CSMD1: variants seen among roughly 807,000 people sequenced by gnomAD.
CSMD1 encodes the protein CUB and Sushi multiple domains 1.
A neutral mutation model predicts 417.5 loss-of-function variants in CSMD1; 213 were observed. That is an observed-to-expected ratio of 0.51 (90% confidence interval 0.46 to 0.57). CSMD1 has a LOEUF of 0.57. Ranked by LOEUF, CSMD1 falls within the 20% of genes least tolerant of loss-of-function variation. CSMD1 has a pLI of 0.00. For synonymous variants in CSMD1, 2,862 were observed against 1,736.8 expected (o/e 1.65, Z -16.11); for missense variants, 6,923 against 4,529.7 (o/e 1.53, Z -15.17).
At chr8:4,192,755 C>G (rs1228280720) in intron 3 of CSMD1, among the ~76,000 whole-genome samples, 3 of 152,216 alleles carry the variant, frequency 2.0e-5, no homozygotes, top group South Asian at 2.1e-4. Flanking sequence ...TGACTTCTAT[C>G]ATTTCCATTT....
intron 3 of CSMD1, among the ~76,000 whole-genome samples, chr8:4,056,070 G>A (rs1027486433): frequency 6.9e-6 from 1 of 144,446 alleles, no homozygotes; most frequent in Non-Finnish European, 1.5e-5. Context: ...TTGGATATTG[G>A]TGGCTTCCTT....
intron 23 of CSMD1, among the ~76,000 whole-genome samples, chr8:3,341,492 AAC>A (rs1807643998): frequency 6.6e-6 from 1 of 152,180 alleles, no homozygotes; most frequent in Non-Finnish European, 1.5e-5. Context: ...TAGGGTTGGA[AAC>A]GTAATGAGAA....
intron 1 of CSMD1, among the ~76,000 whole-genome samples, chr8:4,759,037 T>C (rs1811854581): frequency 1.3e-5 from 2 of 152,100 alleles, no homozygotes; most frequent in Non-Finnish European, 2.9e-5. Context: ...GATGCGGAGA[T>C]GGAGTTGATG....
chr8:3,776,152 C>G (rs926140823), intron 5 of CSMD1, among the ~76,000 whole-genome samples: 1 of 152,180 alleles, frequency 6.6e-6, no homozygotes. Context: ...CTCATCTGCA[C>G]ATCATACGGA....
intron 50 of CSMD1, among the ~76,000 whole-genome samples, chr8:3,031,697 C>G (rs915440788): frequency 6.6e-6 from 1 of 151,894 alleles, no homozygotes; most frequent in Non-Finnish European, 1.5e-5. Flanking sequence ...TGCACCCAGC[C>G]AAAAATTCCA....
intron 3 of CSMD1, among the ~76,000 whole-genome samples, chr8:4,351,444 A>G (rs1801086827): frequency 6.6e-6 from 1 of 152,222 alleles, no homozygotes; most frequent in Non-Finnish European, 1.5e-5. Flanking sequence ...TACTTAAAAT[A>G]ATGTCTAAAA....
At chr8:4,020,083 G>C (rs1355754095) in intron 4 of CSMD1, among the ~76,000 whole-genome samples, 1 of 152,106 alleles carries the variant, frequency 6.6e-6, no homozygotes, top group Non-Finnish European at 1.5e-5. Context: ...AGTAATTATA[G>C]CAGCTGATAT....
chr8:3,917,573 G>C (rs1211529599), intron 5 of CSMD1, among the ~76,000 whole-genome samples: 1 of 151,016 alleles, frequency 6.6e-6, no homozygotes, highest in African/African-American at 2.4e-5. Flanking sequence ...CAAAATATTT[G>C]CAACTAGTTG....
chr8:4,020,740 A>G (rs544739350), intron 4 of CSMD1, among the ~76,000 whole-genome samples: 5 of 152,212 alleles, frequency 3.3e-5, no homozygotes, highest in African/African-American at 9.6e-5. Flanking sequence ...ATCTTCATTC[A>G]TTAGACCCAA....
At chr8:3,667,922 A>G (rs1749578306) in intron 7 of CSMD1, among the ~76,000 whole-genome samples, 1 of 152,120 alleles carries the variant, frequency 6.6e-6, no homozygotes. Context: ...TTGCGGAGAC[A>G]CCACTGGTGC....
At chr8:3,599,569 C>A (rs1211298481) in intron 8 of CSMD1, among the ~76,000 whole-genome samples, 2 of 152,198 alleles carry the variant, frequency 1.3e-5, no homozygotes, top group African/African-American at 4.8e-5. Context: ...CTAACCACAA[C>A]ACTGCATTAT....
At chr8:4,854,651 C>G (rs540719921) in intron 1 of CSMD1, among the ~76,000 whole-genome samples, 18 of 152,210 alleles carry the variant, frequency 1.2e-4, no homozygotes, top group Admixed American at 2.6e-4. Flanking sequence ...AAAGGGGTGA[C>G]GGACAGCACC....
intron 2 of CSMD1, among the ~76,000 whole-genome samples, chr8:4,595,498 G>A (rs1452049716): frequency 6.6e-6 from 1 of 151,908 alleles, no homozygotes; most frequent in Non-Finnish European, 1.5e-5. Flanking sequence ...CTCAAATGGT[G>A]GCAATTGTTT....
chr8:4,428,939 C>G (rs898360385), intron 2 of CSMD1, among the ~76,000 whole-genome samples: 38 of 152,128 alleles, frequency 2.5e-4, no homozygotes, highest in African/African-American at 8.2e-4. Context: ...GTCTCAGATT[C>G]CTGACTTGAA....
chr8:4,195,846 A>T (rs530674999), intron 3 of CSMD1, among the ~76,000 whole-genome samples: 1 of 152,194 alleles, frequency 6.6e-6, no homozygotes, highest in Non-Finnish European at 1.5e-5. Flanking sequence ...AGTGGAATTA[A>T]CGCCTTGATC....
intron 5 of CSMD1, among the ~76,000 whole-genome samples, chr8:3,956,520 A>C (rs1338442473): frequency 6.6e-6 from 1 of 152,240 alleles, no homozygotes; most frequent in Non-Finnish European, 1.5e-5. Flanking sequence ...GGACAGGTGG[A>C]AACTCAGTAA....
chr8:3,495,666 A>T (rs146094534), intron 10 of CSMD1, among the ~76,000 whole-genome samples: 44 of 152,366 alleles, frequency 2.9e-4, no homozygotes, highest in Non-Finnish European at 4.4e-4. Context: ...ATGCAGCTGT[A>T]AAATAGAAGT....
chr8:4,962,128 T>C (rs984859482), intron 1 of CSMD1, among the ~76,000 whole-genome samples: 3 of 151,628 alleles, frequency 2.0e-5, no homozygotes, highest in African/African-American at 7.3e-5. Context: ...TTTTTTTGTA[T>C]TGGAGGCTTT....
chr8:4,429,267 C>T (rs572087736), intron 2 of CSMD1, among the ~76,000 whole-genome samples: 1 of 152,026 alleles, frequency 6.6e-6, no homozygotes, highest in Non-Finnish European at 1.5e-5. Context: ...AGTCCTATCA[C>T]TTCTTGTTGA....
Sources: gnomAD v4.1 joint callset for allele counts (sites outside exome capture counted in the v4.1 genomes callset) on GRCh38, gnomAD v4.1.1 for gene constraint, MANE v1.5 for transcripts, NCBI Gene and HGNC (gene_info 2026-07-23, HGNC 2026-07-21) for gene names.